Variants in FRMD5 observed in about 807,000 individuals in gnomAD.
FRMD5 encodes the protein FERM domain-containing protein 5.
FRMD5 carries 20 observed loss-of-function variants against 69.0 expected under a neutral mutation model. The observed-to-expected ratio is 0.29, with a 90% confidence interval of 0.20 to 0.42. The LOEUF (loss-of-function observed/expected upper bound fraction) is 0.42. Ranked by LOEUF, FRMD5 falls within the 10% of genes least tolerant of loss-of-function variation. The probability of loss-of-function intolerance (pLI) is 1.00; values close to 1 mark genes in which losing one functional copy is unlikely to be tolerated. For synonymous variants in FRMD5, 271 were observed against 260.1 expected (o/e 1.04, Z -0.40); for missense variants, 595 against 708.6 (o/e 0.84, Z 1.82).
At chr15:44,166,291 G>A (rs904030715) in intron 1 of FRMD5, among the ~76,000 whole-genome samples, 2 of 152,054 alleles carry the variant, frequency 1.3e-5, no homozygotes, top group African/African-American at 2.4e-5. Context: ...TTATATAATG[G>A]ATGATGATGA....
At chr15:43,998,634 G>A (rs1231260139) in intron 1 of FRMD5, among the ~76,000 whole-genome samples, 1 of 152,206 alleles carries the variant, frequency 6.6e-6, no homozygotes, top group Admixed American at 6.5e-5. Context: ...CAAACTGGCA[G>A]ACACTAAGGC....
chr15:43,933,794 T>G (rs1288541979), intron 1 of FRMD5, among the ~76,000 whole-genome samples: 1 of 152,352 alleles, frequency 6.6e-6, no homozygotes, highest in East Asian at 1.9e-4. Flanking sequence ...GAGTCCCCAA[T>G]TACCATTTAT....
chr15:44,183,931 A>G (rs557736558), intron 1 of FRMD5, among the ~76,000 whole-genome samples: 1 of 151,720 alleles, frequency 6.6e-6, no homozygotes, highest in Non-Finnish European at 1.5e-5. Flanking sequence ...GCAGTGAGTC[A>G]AGATTGCGCC....
intron 1 of FRMD5, among the ~76,000 whole-genome samples, chr15:44,134,732 G>C (rs1595504781): frequency 6.6e-6 from 1 of 152,188 alleles, no homozygotes; most frequent in African/African-American, 2.4e-5. Flanking sequence ...TTACAGGCAC[G>C]AGCCAACGCG....
intron 10 of FRMD5, 143 bp from the exon 11 acceptor site, chr15:43,885,898 A>C: frequency 2.9e-6 from 2 of 680,566 alleles, no homozygotes; most frequent in Non-Finnish European, 5.3e-6. Context: ...TCTGACTCTC[A>C]TTTAGGATCT....
Position 43,941,243 on chromosome 15 carries a change from C to CT in FRMD5, c.103-16935dup, listed in dbSNP as rs2089858243. On this transcript the variant is annotated intron_variant, in intron 1 of 13. Transcript: ENST00000417257. Reference sequence around the variant, plus strand: ...ATTAGCCAGGTGTGGTAACGTGTGCCTGTAGTCCCAGCTACCCAGGAGGCT... The same window carrying CT: ...ATTAGCCAGGTGTGGTAACGTGTGCCTTGTAGTCCCAGCTACCCAGGAGGCT... 2.0e-5 allele frequency among the ~76,000 whole-genome samples: 3 copies of CT among 152,258 alleles called. 1 individual carries two copies. In the South Asian group the frequency reaches 6.2e-4, roughly 32 times the overall value.
chr15:44,022,118 C>G (rs1191850528), intron 1 of FRMD5, among the ~76,000 whole-genome samples: 1 of 152,044 alleles, frequency 6.6e-6, no homozygotes, highest in Non-Finnish European at 1.5e-5. Flanking sequence ...AGAGTGGTTA[C>G]TTGGGTCTGT....
At chr15:44,048,055 C>A (rs1595668423) in intron 1 of FRMD5, among the ~76,000 whole-genome samples, 1 of 152,096 alleles carries the variant, frequency 6.6e-6, no homozygotes, top group Non-Finnish European at 1.5e-5. Flanking sequence ...ATTTTCAATT[C>A]TCTCGGTTGT....
intron 1 of FRMD5, among the ~76,000 whole-genome samples, chr15:44,168,496 G>T (rs772601970): frequency 4.6e-5 from 7 of 152,136 alleles, no homozygotes; most frequent in Non-Finnish European, 8.8e-5. Flanking sequence ...ATTCTTGTGT[G>T]TCATAGCCAA....
chr15:44,175,818 A>G (rs1015378976), intron 1 of FRMD5, among the ~76,000 whole-genome samples: 1 of 152,178 alleles, frequency 6.6e-6, no homozygotes, highest in Non-Finnish European at 1.5e-5. Flanking sequence ...ACTAACATGA[A>G]TGAATCTCAA....
chr15:44,126,888 G>A (rs1246804191), intron 1 of FRMD5, among the ~76,000 whole-genome samples: 4 of 152,162 alleles, frequency 2.6e-5, no homozygotes, highest in African/African-American at 7.2e-5. Flanking sequence ...TCAAGAGAAC[G>A]TTAAGCTAAT....
At chr15:43,929,864 G>C (rs1039273943) in intron 1 of FRMD5, among the ~76,000 whole-genome samples, 1 of 152,192 alleles carries the variant, frequency 6.6e-6, no homozygotes, top group African/African-American at 2.4e-5. Context: ...AGTGGTGTGA[G>C]GGCATGAGTG....
chr15:44,170,956 T>G (rs2077792046), intron 1 of FRMD5, among the ~76,000 whole-genome samples: 1 of 152,224 alleles, frequency 6.6e-6, no homozygotes, highest in Non-Finnish European at 1.5e-5. Context: ...CATGACAAGA[T>G]ATACCTATAT....
chr15:43,918,180 C>T (rs180995443), intron 4 of FRMD5, among the ~76,000 whole-genome samples: 7 of 152,266 alleles, frequency 4.6e-5, no homozygotes, highest in African/African-American at 1.7e-4. Flanking sequence ...AATCCCAGCA[C>T]TTTGGGAGGC....
intron 1 of FRMD5, among the ~76,000 whole-genome samples, chr15:43,936,573 C>T (rs1334574068): frequency 6.6e-6 from 1 of 152,016 alleles, no homozygotes; most frequent in Non-Finnish European, 1.5e-5. Flanking sequence ...GTCTTCAACT[C>T]CTAATACCCA....
intron 1 of FRMD5, among the ~76,000 whole-genome samples, chr15:44,072,293 A>T (rs1893574303): frequency 6.6e-6 from 1 of 152,224 alleles, no homozygotes; most frequent in Admixed American, 6.5e-5. Flanking sequence ...TCTAAGTATG[A>T]CGTACAACAG....
chr15:44,142,255 T>A (rs2077285417), intron 1 of FRMD5, among the ~76,000 whole-genome samples: 1 of 152,198 alleles, frequency 6.6e-6, no homozygotes, highest in African/African-American at 2.4e-5. Flanking sequence ...TCAAAACCCT[T>A]ATAAGACAAG....
chr15:44,187,567 ATT>A (rs34597404), intron 1 of FRMD5, among the ~76,000 whole-genome samples: 175 of 145,318 alleles, frequency 1.2e-3, no homozygotes, highest in Middle Eastern at 3.6e-3. Context: ...GCTTTTGGCA[ATT>A]TTTTTTTTTT....
chr15:44,136,688 C>T (rs1271686638), intron 1 of FRMD5, among the ~76,000 whole-genome samples: 1 of 152,144 alleles, frequency 6.6e-6, no homozygotes, highest in Non-Finnish European at 1.5e-5. Flanking sequence ...TAAACACTGC[C>T]TTCTTTCTCC....
Sources: allele counts gnomAD v4.1 joint callset (sites outside exome capture counted in the v4.1 genomes callset), GRCh38; gene constraint gnomAD v4.1.1; transcripts MANE v1.5; gene names NCBI Gene and HGNC (gene_info 2026-07-23, HGNC 2026-07-21).